CD33: variants seen among roughly 807,000 people sequenced by gnomAD.
The protein encoded by CD33 is myeloid cell surface antigen CD33.
Under a neutral mutation model 31.4 loss-of-function variants are expected in CD33, and 25 were observed. That is an observed-to-expected ratio of 0.80 (90% CI 0.58 to 1.11). The LOEUF (loss-of-function observed/expected upper bound fraction) is 1.11, where lower values mean the gene tolerates loss of function less well. Among genes scored for constraint, CD33 ranks in the 50% most tolerant of loss-of-function variants. The probability of loss-of-function intolerance (pLI) is 0.00; values close to 1 mark genes in which losing one functional copy is unlikely to be tolerated. For synonymous variants in CD33, 176 were observed against 180.6 expected (o/e 0.97, Z 0.20); for missense variants, 407 against 448.1 (o/e 0.91, Z 0.83).
At position 51,235,678 on chromosome 19, in the gene CD33, T is replaced by C. The variant is rs273621; in HGVS notation, c.924+2T>C. The C allele has an allele frequency of 1.1e-3, 1,780 of 1,611,696 alleles. 18 individuals carry two copies. In the African/African-American group the frequency reaches 0.015, roughly 13 times the overall value. On this transcript the variant is annotated splice_donor_variant, in intron 6 of 6. Coordinates refer to ENST00000262262, the MANE Select transcript of CD33 (RefSeq NM_001772.4). LOFTEE classifies it high-confidence loss of function. The stretch of plus-strand genomic sequence containing the variant: ...CCTACCACAGGGTCAGCCTCCCCGG[T>C]GAGTGATGGGGCATCCTGGCATCCA...
chr19:51,239,492 T>C, intron 6 of CD33, 26 bp from the exon 7 acceptor site: 2 of 1,560,528 alleles, frequency 1.3e-6, no homozygotes, highest in Non-Finnish European at 1.7e-6. Context: ...TGCCCTGCTC[T>C]AACCCCCTTC....
the CD33 span, among the ~76,000 whole-genome samples, chr19:51,217,849 C>G: frequency 6.6e-6 from 1 of 152,172 alleles, no homozygotes; most frequent in Non-Finnish European, 1.5e-5. Flanking sequence ...CAGTTCCAAC[C>G]ATGTTGCTTG....
chr19:51,216,221 CGAGTGTGTGTGTGTGTGTGTGTGT>C, the CD33 span, among the ~76,000 whole-genome samples: 5 of 140,578 alleles, frequency 3.6e-5, no homozygotes, highest in African/African-American at 1.4e-4. Flanking sequence ...AAATGTCACC[CGAGTGTGTGTGTGTGTGTGTGTGT>C]GTGTGTGTGT....
chr19:51,225,304 A>C lies in CD33; in HGVS notation c.124A>C (p.Thr42Pro). Residue 42 changes from threonine to proline, a missense_variant, in exon 2 of 7, where the codon ACT (threonine) becomes CCT (proline). Physicochemically the swap from Thr to Pro is conservative, Grantham distance 38. Transcript: ENST00000262262. ...QEGLCVLVPCTFFHPIPYYDK... is the reference protein window; with the variant it reads ...QEGLCVLVPCPFFHPIPYYDK... ...GGGTTTGTGCGTCCTCGTGCCCTGCACTTTCTTCCATCCCATACCCTACTA... is the reference window on the plus strand; with the variant it reads ...GGGTTTGTGCGTCCTCGTGCCCTGCCCTTTCTTCCATCCCATACCCTACTA... 1 of 1,614,142 alleles carries C rather than the reference A, an allele frequency of 6.2e-7. No individual in the cohort carries two copies. Among genetic ancestry groups the C allele is most frequent in the Non-Finnish European group, 8.5e-7 (1 of 1,180,004 alleles).
intron 4 of CD33, among the ~76,000 whole-genome samples, chr19:51,227,167 C>T (rs1981095532): frequency 6.6e-6 from 1 of 152,042 alleles, no homozygotes; most frequent in Non-Finnish European, 1.5e-5. Context: ...GTGGATAATG[C>T]TGCAATAAAC....
intron 5 of CD33, 142 bp from the exon 6 acceptor site, chr19:51,235,453 G>T: frequency 7.0e-7 from 1 of 1,423,418 alleles, no homozygotes; most frequent in Non-Finnish European, 9.4e-7. Flanking sequence ...GGAGGTAGAG[G>T]GAGACCTTGT....
chr19:51,211,398 C>T, the CD33 span: 17 of 1,566,200 alleles, frequency 1.1e-5, no homozygotes, highest in Non-Finnish European at 1.5e-5. Flanking sequence ...TGGCCACAAA[C>T]AAGCTAGATC....
intron 4 of CD33, among the ~76,000 whole-genome samples, chr19:51,230,129 G>A (rs2123237742): frequency 6.6e-6 from 1 of 151,444 alleles, no homozygotes; most frequent in East Asian, 1.9e-4. Flanking sequence ...TTCACTATTG[G>A]TCATTTAGAA....
chr19:51,235,800 G>T, intron 6 of CD33, 124 bp downstream of exon 6: 1 of 843,660 alleles, frequency 1.2e-6, no homozygotes. Context: ...CTGTTTAACA[G>T]TGTAGGTTTT....
At chr19:51,231,766 AT>A (rs796405589) in intron 4 of CD33, among the ~76,000 whole-genome samples, 9 of 136,586 alleles carry the variant, frequency 6.6e-5, no homozygotes, top group East Asian at 2.1e-4. Flanking sequence ...TATTTTTATT[AT>A]TTTTTTTTTG....
chr19:51,217,015 G>T, the CD33 span, among the ~76,000 whole-genome samples: 1 of 152,200 alleles, frequency 6.6e-6, no homozygotes, highest in South Asian at 2.1e-4. Flanking sequence ...GGGAGGCAGA[G>T]GAGTCAAGCG....
rs1344549728 is a variant in CD33, at chr19:51,235,153, G to T, written c.746-4G>T. 1 of 1,612,208 alleles carries T rather than the reference G, an allele frequency of 6.2e-7. No individual in the cohort carries two copies. ...AATTCACCCCAAATCTTTTTTGTCT[G>T]CAGGGAAACAAGAGACCAGAGCAGG... On this transcript the variant is annotated splice_region_variant and splice_polypyrimidine_tract_variant and intron_variant, in intron 4 of 6. Transcript: ENST00000262262.
chr19:51,236,173 A>C (rs548494316), intron 6 of CD33: 10 of 333,010 alleles, frequency 3.0e-5, no homozygotes, highest in African/African-American at 2.1e-4. Context: ...GAAAAAAAAA[A>C]TAGTTTCTTA....
At chr19:51,212,538 T>TC in the CD33 span, among the ~76,000 whole-genome samples, 1 of 98,762 alleles carries the variant, frequency 1.0e-5, no homozygotes, top group Non-Finnish European at 2.1e-5. Flanking sequence ...GCCCCCTCAC[T>TC]CCCCTCAGAC....
At chr19:51,223,129 A>G (rs552404632), upstream of CD33, among the ~76,000 whole-genome samples, 1 of 152,180 alleles carries the variant, frequency 6.6e-6, no homozygotes, top group Non-Finnish European at 1.5e-5. Flanking sequence ...ATGACGTGGG[A>G]GAGTCACTTG....
intron 4 of CD33, among the ~76,000 whole-genome samples, chr19:51,227,192 G>A (rs1198350669): frequency 2.0e-5 from 3 of 152,002 alleles, no homozygotes; most frequent in Non-Finnish European, 2.9e-5. Context: ...AGGTGCAGAC[G>A]TTTCTTCAAT....
intron 5 of CD33, 56 bp from the exon 6 acceptor site, chr19:51,235,539 C>A (rs984012913): frequency 1.3e-6 from 2 of 1,567,582 alleles, no homozygotes; most frequent in South Asian, 2.4e-5. Context: ...AGGCTCATAA[C>A]AATGGCCCCA....
Position 51,229,548 on chromosome 19 carries a change from T to C in CD33, c.745+3192T>C, listed in dbSNP as rs546404698. On this transcript the variant is annotated intron_variant, in intron 4 of 6. Coordinates refer to ENST00000262262, the MANE Select transcript of CD33 (RefSeq NM_001772.4). ...CTGGAATTTTCTTTGTTGGGGGGCC[T>C]TTTATTATTCATTCAATCTCATTAC... is the stretch of plus-strand genomic sequence containing the variant. Among the ~76,000 whole-genome samples the C allele has an allele frequency of 1.2e-3, 189 of 152,216 alleles. 1 individual carries two copies. Among genetic ancestry groups the C allele is most frequent in the Non-Finnish European group, 2.4e-3 (161 of 67,990 alleles).
intron 6 of CD33, chr19:51,237,945 G>A (rs920939531): frequency 1.3e-5 from 2 of 152,236 alleles, no homozygotes; most frequent in African/African-American, 4.8e-5. Flanking sequence ...GGAGAAATTG[G>A]GTTCCGGATA....
Sources: allele counts gnomAD v4.1 joint callset (sites outside exome capture counted in the v4.1 genomes callset), GRCh38; gene constraint gnomAD v4.1.1; transcripts MANE v1.5; gene names NCBI Gene and HGNC (gene_info 2026-07-23, HGNC 2026-07-21).